Variants in NTRK1 observed in about 807,000 individuals in gnomAD.
NTRK1 encodes neurotrophic receptor tyrosine kinase 1.
Under a neutral mutation model 86.8 loss-of-function variants are expected in NTRK1, and 62 were observed. The ratio of observed to expected loss-of-function variants is 0.71; its 90% CI spans 0.58 to 0.88. The LOEUF (loss-of-function observed/expected upper bound fraction) is 0.88, where lower values mean the gene tolerates loss of function less well. NTRK1 is among the 40% of genes least tolerant of loss of function. The pLI, the probability that NTRK1 is intolerant of heterozygous loss-of-function variation, is 0.00. For missense variants in NTRK1, 967 were observed against 1,078.4 expected (o/e 0.90, Z 1.45); for synonymous variants, 469 against 456.6 (o/e 1.03, Z -0.35).
At chr1:156,864,224 T>C in intron 1 of NTRK1, 130 bp from the exon 2 acceptor site, 2 of 818,346 alleles carry the variant, frequency 2.4e-6, no homozygotes, top group East Asian at 2.6e-5. Context: ...TAAGTGTGTA[T>C]GCAGGTCTGA....
chr1:156,876,870 G>A (rs1360386207), intron 14 of NTRK1, among the ~76,000 whole-genome samples: 1 of 152,194 alleles, frequency 6.6e-6, no homozygotes, highest in Non-Finnish European at 1.5e-5. Flanking sequence ...TTTGTGTGTG[G>A]CACACAAAGG....
chr1:156,863,666 G>A (rs1447306453), intron 1 of NTRK1, among the ~76,000 whole-genome samples: 2 of 151,972 alleles, frequency 1.3e-5, no homozygotes, highest in African/African-American at 2.4e-5. Context: ...ATGTTTGTGT[G>A]TGTGTGTGTG....
At position 156,873,926 on chromosome 1, in the gene NTRK1, C is replaced by A. The variant is rs569895276; in HGVS notation, c.1144C>A (p.Pro382Thr). The change falls in exon 8 of 17, where the codon CCT (proline) becomes ACT (threonine). Residue 382 changes from proline (P) to threonine (T), a missense_variant. By Grantham distance (38) the Pro-to-Thr change is conservative (BLOSUM62 -1). This residue lies in a region of NTRK1 where 637 missense variants were observed against 776.5 expected (regional missense o/e 0.82). Transcript: ENST00000524377. The stretch of plus-strand genomic sequence containing the variant: ...CATCATGGCTGCCTTCATGGACAAC[C>A]CTTTCGAGTTCAACCCCGAGGACCC... ...ASIMAAFMDNPFEFNPEDPIP... is the reference protein window; with the variant it reads ...ASIMAAFMDNTFEFNPEDPIP... 6.4e-7 allele frequency: 1 copy of A among 1,559,822 alleles called. No homozygotes were observed. The highest frequency in any genetic ancestry group is 8.7e-7 in the Non-Finnish European group (1 of 1,151,284).
Position 156,868,633 on chromosome 1 carries a change from T to A in NTRK1, c.703T>A (p.Ser235Thr), listed in dbSNP as rs1467031757. The change falls in exon 6 of 17, where the codon TCA becomes ACA. Residue 235 changes from serine to threonine, a missense_variant. By Grantham distance (58) the Ser-to-Thr change is moderately conservative (BLOSUM62 1). This residue lies in a region of NTRK1 where 637 missense variants were observed against 776.5 expected (regional missense o/e 0.82). Coordinates refer to ENST00000524377, the MANE Select transcript of NTRK1 (RefSeq NM_002529.4). ...CTGGATCCTCACAGAGCTGGAGCAG[T>A]CAGCCACGGTGATGGTGAGAAGACC... ...AGWILTELEQ[S>T]ATVMKSGGLP... is the part of the protein sequence containing the mutation. The A allele has an allele frequency of 5.2e-6, 8 of 1,550,626 alleles. No individual in the cohort carries two copies. In the African/African-American group the frequency reaches 5.5e-5, roughly 11 times the overall value.
At chr1:156,853,970 C>A in intron 2 of NTRK1, 1 of 1,613,010 alleles carries the variant, frequency 6.2e-7, no homozygotes. Flanking sequence ...CTTCTCCACA[C>A]GCACAGCCCC....
At position 156,854,336 on chromosome 1, in the gene NTRK1, C is replaced by T. The variant is rs760268391; in HGVS notation, c.51-10018C>T. On this transcript the variant is annotated intron_variant, in intron 2 of 16. Transcript: ENST00000392302. This position sits in a 1 kb window ranked among gnomAD's most constrained non-coding sequence, Gnocchi z 4.2. ...CATACACGGCACGCAGCATTGAGTACAGCCCAGGCCAAATTCCCCATCCAG... is the reference window on the plus strand; with the variant it reads ...CATACACGGCACGCAGCATTGAGTATAGCCCAGGCCAAATTCCCCATCCAG... The T allele has an allele frequency of 1.3e-6, 2 of 1,555,458 alleles. No individual in the cohort carries two copies. Among genetic ancestry groups the T allele is most frequent in the South Asian group, 2.4e-5 (2 of 82,428 alleles).
upstream of NTRK1, chr1:156,860,675 C>G (rs1175281510): frequency 3.8e-6 from 2 of 529,406 alleles, no homozygotes; most frequent in South Asian, 4.1e-5. Context: ...CAGCGTCTGC[C>G]GGAGCTGAGG....
chr1:156,867,996 C>T, intron 4 of NTRK1, 108 bp from the exon 5 acceptor site: 2 of 1,238,284 alleles, frequency 1.6e-6, no homozygotes, highest in South Asian at 1.2e-5. Flanking sequence ...TCTGTGTCCT[C>T]CCTTTCACCT....
intron 2 of NTRK1, chr1:156,843,626 A>G: frequency 2.4e-6 from 2 of 818,330 alleles, no homozygotes; most frequent in Admixed American, 2.0e-5. Context: ...GGGGATCCCT[A>G]AGTACCCTCC....
chr1:156,861,346 T>C (rs1413452576), intron 1 of NTRK1, among the ~76,000 whole-genome samples, 200 bp downstream of exon 1: 1 of 151,358 alleles, frequency 6.6e-6, no homozygotes, highest in Admixed American at 6.6e-5. Context: ...TGCCTGGATG[T>C]CCCCTAGTGT....
intron 1 of NTRK1, chr1:156,815,878 C>G: frequency 6.2e-7 from 1 of 1,613,998 alleles, no homozygotes; most frequent in Non-Finnish European, 8.5e-7. Context: ...TGCCCCAGCC[C>G]GTTGGCAGAC....
At chr1:156,827,860 T>A (rs953759857) in intron 1 of NTRK1, among the ~76,000 whole-genome samples, 2 of 152,264 alleles carry the variant, frequency 1.3e-5, no homozygotes, top group Non-Finnish European at 2.9e-5. Context: ...AAATCAGGCT[T>A]TATTATAGAA....
At chr1:156,819,171 T>G (rs573537141) in intron 1 of NTRK1, among the ~76,000 whole-genome samples, 2 of 151,950 alleles carry the variant, frequency 1.3e-5, no homozygotes, top group South Asian at 2.1e-4. Context: ...GCCTGGCTAA[T>G]TTTTGTATTT....
At chr1:156,819,477 T>C (rs1351082683) in intron 1 of NTRK1, among the ~76,000 whole-genome samples, 2 of 151,910 alleles carry the variant, frequency 1.3e-5, no homozygotes, top group African/African-American at 4.8e-5. Context: ...TTCATGTCCT[T>C]TGCTCACTTT....
At chr1:156,849,570 G>T in intron 2 of NTRK1, 1 of 742,300 alleles carries the variant, frequency 1.3e-6, no homozygotes, top group East Asian at 2.7e-5. Flanking sequence ...CGGGGAGAGG[G>T]GCACTCAGTG....
chr1:156,829,158 G>A (rs1654400157), intron 1 of NTRK1, among the ~76,000 whole-genome samples: 1 of 152,214 alleles, frequency 6.6e-6, no homozygotes, highest in South Asian at 2.1e-4. Context: ...TGAATAGGAG[G>A]TATGAGGATG....
chr1:156,816,646 C>G, intron 1 of NTRK1: 1 of 1,595,606 alleles, frequency 6.3e-7, no homozygotes, highest in Non-Finnish European at 8.5e-7. Context: ...GTGCCCCCTC[C>G]CACCCATATC....
intron 2 of NTRK1, among the ~76,000 whole-genome samples, chr1:156,852,759 G>A (rs991841094): frequency 6.6e-6 from 1 of 152,208 alleles, no homozygotes; most frequent in African/African-American, 2.4e-5. Flanking sequence ...CTATGGGAGC[G>A]ATCTGTGGGG....
chr1:156,828,627 C>T (rs981026977), intron 1 of NTRK1, among the ~76,000 whole-genome samples: 4 of 152,154 alleles, frequency 2.6e-5, no homozygotes, highest in Non-Finnish European at 4.4e-5. Context: ...CCCGCGTGGA[C>T]GAGGATGATG....
Sources: allele counts gnomAD v4.1 joint callset (sites outside exome capture counted in the v4.1 genomes callset), GRCh38; gene constraint gnomAD v4.1.1; regional missense constraint gnomAD v4.1.1; non-coding constraint Gnocchi (gnomAD v3.1); transcripts MANE v1.5; gene names NCBI Gene and HGNC (gene_info 2026-07-23, HGNC 2026-07-21).